The following WWOX variants were observed in gnomAD, a reference collection of about 807,000 sequenced individuals.
WWOX encodes the protein WW domain containing oxidoreductase.
In WWOX, 69 loss-of-function variants were observed where a neutral mutation model predicts 46.2. The ratio of observed to expected loss-of-function variants is 1.49; its 90% CI spans 1.23 to 1.82. The LOEUF is 1.82. Ranked by LOEUF, WWOX falls within the 40% of genes most tolerant of loss-of-function variation. The pLI, the probability that WWOX is intolerant of heterozygous loss-of-function variation, is 0.00. For missense variants in WWOX, 919 were observed against 542.6 expected (o/e 1.69, Z -6.89); for synonymous variants, 359 against 202.6 (o/e 1.77, Z -6.56).
chr16:78,499,152 G>A (rs2084991969), intron 8 of WWOX, among the ~76,000 whole-genome samples: 1 of 152,080 alleles, frequency 6.6e-6, no homozygotes, highest in Non-Finnish European at 1.5e-5. Flanking sequence ...CTTTCCTCGT[G>A]ATGCACGGTG....
intron 8 of WWOX, among the ~76,000 whole-genome samples, chr16:78,948,428 C>G (rs763917221): frequency 1.4e-4 from 22 of 152,154 alleles, no homozygotes; most frequent in Non-Finnish European, 2.9e-4. Flanking sequence ...ACTGAAAAAT[C>G]CATTTTCTTG....
At chr16:78,110,339 C>CA (rs34862048) in intron 3 of WWOX, among the ~76,000 whole-genome samples, 14,123 of 85,308 alleles carry the variant, frequency 0.17, 1,207 homozygotes, top group East Asian at 0.27. Context: ...GACTCCTTCT[C>CA]AAAAAAAAAA....
chr16:78,395,497 G>A (rs1262459982), intron 6 of WWOX, among the ~76,000 whole-genome samples: 1 of 152,100 alleles, frequency 6.6e-6, no homozygotes. Flanking sequence ...GGGCAACAGA[G>A]CCAGAACCTG....
At chr16:78,831,394 G>A (rs1039024961) in intron 8 of WWOX, among the ~76,000 whole-genome samples, 1 of 152,236 alleles carries the variant, frequency 6.6e-6, no homozygotes, top group Non-Finnish European at 1.5e-5. Flanking sequence ...AAATATCTGT[G>A]TTCATGTAAA....
intron 8 of WWOX, among the ~76,000 whole-genome samples, chr16:78,800,059 A>G (rs1309798041): frequency 6.6e-6 from 1 of 152,180 alleles, no homozygotes; most frequent in African/African-American, 2.4e-5. Context: ...TTCATCAAGC[A>G]CATTGTTATC....
At chr16:79,128,181 C>T (rs571522738) in intron 8 of WWOX, among the ~76,000 whole-genome samples, 12 of 152,094 alleles carry the variant, frequency 7.9e-5, no homozygotes, top group African/African-American at 1.7e-4. Context: ...GAAGATAAAA[C>T]GCCCTGCCAG....
Position 79,124,559 on chromosome 16 carries a change from G to A in WWOX, c.1057-87049G>A, listed in dbSNP as rs545224095. 4.6e-5 allele frequency among the ~76,000 whole-genome samples: 7 copies of A among 152,232 alleles called. No homozygotes were observed. The South Asian group carries it at 8.3e-4, about 18-fold the overall frequency. ...AGATTCAGCATCTTTTGTTATACCC[G>A]AAGTGCATTCCATGGCCCTGTCCCA... is the stretch of plus-strand genomic sequence containing the variant. On this transcript the variant is annotated intron_variant, in intron 8 of 8. Transcript: ENST00000566780.
chr16:78,793,812 A>G (rs969035775), intron 8 of WWOX, among the ~76,000 whole-genome samples: 2 of 152,236 alleles, frequency 1.3e-5, no homozygotes, highest in Non-Finnish European at 2.9e-5. Flanking sequence ...AAGGTGGCTC[A>G]CGTCTGTAAT....
chr16:78,453,626 T>C (rs1016186680), intron 8 of WWOX, among the ~76,000 whole-genome samples: 2 of 152,068 alleles, frequency 1.3e-5, no homozygotes, highest in African/African-American at 4.8e-5. Flanking sequence ...ACTTCAGCCC[T>C]GCTATTTTTA....
chr16:78,389,790 G>C (rs771508692), intron 6 of WWOX, among the ~76,000 whole-genome samples: 1 of 152,090 alleles, frequency 6.6e-6, no homozygotes, highest in African/African-American at 2.4e-5. Context: ...TCGCTGTGTT[G>C]CCCAGGCTGA....
chr16:79,141,557 C>G (rs1347966848), intron 8 of WWOX, among the ~76,000 whole-genome samples: 1 of 152,212 alleles, frequency 6.6e-6, no homozygotes, highest in Non-Finnish European at 1.5e-5. Flanking sequence ...GTTTTACCAG[C>G]TCTTTGGCTT....
intron 8 of WWOX, among the ~76,000 whole-genome samples, chr16:78,434,656 G>T (rs1272285481): frequency 3.3e-5 from 5 of 152,166 alleles, no homozygotes; most frequent in African/African-American, 1.2e-4. Context: ...GTTTTAAGGA[G>T]CTCGGTTCAG....
chr16:79,212,044 GAAA>G lies in WWOX; in HGVS notation c.*249_*251del. On this transcript the variant is annotated 3_prime_UTR_variant, in exon 9 of 9. Coordinates refer to ENST00000566780, the MANE Select transcript of WWOX (RefSeq NM_016373.4). ...TTTGCTTTCTGGTGGTGGCCTGTTTGAAAGTAAAAACCTGCTTGGTGTGTAGGT... is the reference window on the plus strand; with the variant it reads ...TTTGCTTTCTGGTGGTGGCCTGTTTGGTAAAAACCTGCTTGGTGTGTAGGT... 2 of 1,536,332 alleles carry G rather than the reference GAAA, an allele frequency of 1.3e-6. No homozygotes were observed. The highest frequency in any genetic ancestry group is 1.7e-6 in the Non-Finnish European group (2 of 1,146,920).
At chr16:78,110,717 A>G (rs2032443351) in intron 3 of WWOX, among the ~76,000 whole-genome samples, 1 of 152,162 alleles carries the variant, frequency 6.6e-6, no homozygotes, top group Non-Finnish European at 1.5e-5. Context: ...TATCTGTAGC[A>G]TTAGGTCATT....
chr16:78,369,085 T>C (rs897882301), intron 5 of WWOX, among the ~76,000 whole-genome samples: 1 of 152,128 alleles, frequency 6.6e-6, no homozygotes, highest in East Asian at 1.9e-4. Context: ...TATTCTTCTT[T>C]AGAGTTTGTT....
intron 8 of WWOX, among the ~76,000 whole-genome samples, chr16:79,042,919 A>G (rs1255570819): frequency 2.6e-5 from 4 of 152,176 alleles, no homozygotes; most frequent in African/African-American, 9.7e-5. Context: ...ATGCGTCAGA[A>G]TTTCATGATG....
chr16:78,976,602 C>T (rs541581398), intron 8 of WWOX, among the ~76,000 whole-genome samples: 60 of 152,134 alleles, frequency 3.9e-4, no homozygotes, highest in Non-Finnish European at 2.9e-4. Context: ...CATGGCGTTG[C>T]GTTTCCAAGC....
At chr16:78,295,478 G>A (rs1013430226) in intron 5 of WWOX, among the ~76,000 whole-genome samples, 1 of 152,178 alleles carries the variant, frequency 6.6e-6, no homozygotes, top group African/African-American at 2.4e-5. Flanking sequence ...TTTGGAGGAT[G>A]AGGTGGGTGG....
intron 8 of WWOX, among the ~76,000 whole-genome samples, chr16:78,795,629 A>T (rs529046388): frequency 9.8e-5 from 15 of 152,342 alleles, no homozygotes; most frequent in African/African-American, 3.4e-4. Context: ...TGGAACACTC[A>T]TGTATAATTC....
Sources: allele counts gnomAD v4.1 joint callset (sites outside exome capture counted in the v4.1 genomes callset), GRCh38; gene constraint gnomAD v4.1.1; transcripts MANE v1.5; gene names NCBI Gene and HGNC (gene_info 2026-07-23, HGNC 2026-07-21).